The following ANO10 variants were observed in gnomAD, a reference collection of about 807,000 sequenced individuals.
The protein encoded by ANO10 is anoctamin 10, also known as anoctamin-10.
In ANO10, 77 loss-of-function variants were observed where a neutral mutation model predicts 74.7. That is an observed-to-expected ratio of 1.03 (90% confidence interval 0.86 to 1.25). The LOEUF (loss-of-function observed/expected upper bound fraction) is 1.25. Ranked by LOEUF, ANO10 falls within the 50% of genes most tolerant of loss-of-function variation. ANO10 has a pLI of 0.00. For missense variants in ANO10, 721 were observed against 778.1 expected, an observed-to-expected ratio of 0.93 and a Z score of 0.87; for synonymous variants, 279 against 284.9, an observed-to-expected ratio of 0.98 and a Z score of 0.21.
chr3:43,576,861 A>T lies in ANO10; in HGVS notation c.993T>A (p.Tyr331Ter). ...FVCLCLYFSL[Y>*]VMMIYFDMEV... ...CCATGTCGAAGTAAATCATCATGAC[A>T]TACAGTGAGAAATAGAGGCAGAGGC... The change falls in exon 6 of 13, where the codon TAT becomes TAA. Residue 331 changes from tyrosine (Y) to a stop codon, truncating the protein, a stop_gained. Coordinates refer to ENST00000292246, the MANE Select transcript of ANO10 (RefSeq NM_018075.5). LOFTEE classifies it high-confidence loss of function. 1 of 1,614,212 alleles carries T rather than the reference A, an allele frequency of 6.2e-7. No individual in the cohort carries two copies. Among genetic ancestry groups the T allele is most frequent in the Non-Finnish European group, 8.5e-7 (1 of 1,180,026 alleles).
chr3:43,440,031 C>A (rs1212305780), intron 11 of ANO10, among the ~76,000 whole-genome samples: 1 of 151,216 alleles, frequency 6.6e-6, no homozygotes, highest in Non-Finnish European at 1.5e-5. Flanking sequence ...AAAGAAAATA[C>A]CTGTAAAAAA....
chr3:43,593,714 C>A (rs1055571670), intron 4 of ANO10, among the ~76,000 whole-genome samples: 2 of 152,162 alleles, frequency 1.3e-5, no homozygotes, highest in African/African-American at 2.4e-5. Context: ...AACGAGCAAA[C>A]TAACCAGCTA....
chr3:43,526,402 A>G (rs547595292), intron 11 of ANO10, among the ~76,000 whole-genome samples: 1 of 152,328 alleles, frequency 6.6e-6, no homozygotes, highest in Admixed American at 6.5e-5. Flanking sequence ...CCAGCCACGG[A>G]GAAGCGTCAG....
Position 43,600,254 on chromosome 3 carries a change from C to T in ANO10, c.337+130G>A, listed in dbSNP as rs539614541. Reference sequence around the variant, plus strand: ...TTGAGTAATTGCAGCAGAGACCACACGGACTGCAAAACCTAAAATATTTAC... The same window carrying T: ...TTGAGTAATTGCAGCAGAGACCACATGGACTGCAAAACCTAAAATATTTAC... On this transcript the variant is annotated intron_variant, in intron 3 of 12. Coordinates refer to ENST00000292246, the MANE Select transcript of ANO10 (RefSeq NM_018075.5). The T allele has an allele frequency of 1.0e-3, 1,062 of 1,027,290 alleles. 4 individuals are homozygous for T. Among genetic ancestry groups the T allele is most frequent in the Non-Finnish European group, 1.3e-3 (863 of 666,244 alleles). The allele number at this position is 1,027,290 out of a possible 1,614,324, so 63.6% of individuals were successfully genotyped here. A position where few individuals can be genotyped will look rare whatever the true frequency, so the allele number is the denominator to read the frequency against.
intron 4 of ANO10, among the ~76,000 whole-genome samples, chr3:43,580,976 A>C (rs1237957768): frequency 1.3e-5 from 2 of 152,166 alleles, no homozygotes; most frequent in Non-Finnish European, 2.9e-5. Flanking sequence ...GCTGTAATTC[A>C]ACTAATCTTC....
At chr3:43,496,180 G>A (rs2076906950) in intron 11 of ANO10, among the ~76,000 whole-genome samples, 1 of 152,138 alleles carries the variant, frequency 6.6e-6, no homozygotes, top group South Asian at 2.1e-4. Flanking sequence ...AAGGGTATGT[G>A]TATAGAAAAG....
At chr3:43,486,126 T>A (rs1430583769) in intron 11 of ANO10, among the ~76,000 whole-genome samples, 1 of 152,174 alleles carries the variant, frequency 6.6e-6, no homozygotes, top group East Asian at 1.9e-4. Flanking sequence ...CTTTCACAGA[T>A]CTGGGAGAGA....
chr3:43,432,077 T>C (rs1230704900), intron 12 of ANO10, among the ~76,000 whole-genome samples: 1 of 150,924 alleles, frequency 6.6e-6, no homozygotes. Flanking sequence ...CCCACTCTCC[T>C]ACAAGCAGAA....
At chr3:43,660,621 T>C (rs1245978394) in intron 1 of ANO10, among the ~76,000 whole-genome samples, 5 of 152,168 alleles carry the variant, frequency 3.3e-5, no homozygotes, top group East Asian at 3.9e-4. Context: ...CTATGTTTGA[T>C]TGGTGTACCT....
intron 11 of ANO10, among the ~76,000 whole-genome samples, chr3:43,450,967 C>T (rs969252741): frequency 1.3e-5 from 2 of 152,156 alleles, no homozygotes; most frequent in Admixed American, 1.3e-4. Context: ...CTTTATAATA[C>T]AGCACTGATA....
At chr3:43,422,406 C>T (rs926505526) in intron 12 of ANO10, among the ~76,000 whole-genome samples, 6 of 152,182 alleles carry the variant, frequency 3.9e-5, no homozygotes, top group Non-Finnish European at 7.4e-5. Flanking sequence ...TTAGCCACCG[C>T]GCCCACCCTT....
intron 7 of ANO10, among the ~76,000 whole-genome samples, chr3:43,566,678 C>T (rs2080368714): frequency 1.3e-5 from 2 of 152,180 alleles, no homozygotes; most frequent in East Asian, 3.9e-4. Flanking sequence ...CACCAAAAAC[C>T]CATCTGTACA....
chr3:43,469,779 CAT>C (rs1344196539), intron 11 of ANO10, among the ~76,000 whole-genome samples: 11 of 152,184 alleles, frequency 7.2e-5, no homozygotes, highest in African/African-American at 2.2e-4. Context: ...TAGAGGTTCA[CAT>C]ATGTCTGTAT....
At position 43,523,722 on chromosome 3, in the gene ANO10, T is replaced by G. The variant is rs1371060654; in HGVS notation, c.1797+25998A>C. On this transcript the variant is annotated intron_variant, in intron 11 of 12. Coordinates refer to ENST00000292246, the MANE Select transcript of ANO10 (RefSeq NM_018075.5). ...TTGAGATCACTGGGAGACATTCAAG[T>G]GAAAGCAACGAAGGTAAATACATAC... Among the ~76,000 whole-genome samples, 3 of 152,270 alleles carry G rather than the reference T, an allele frequency of 2.0e-5. No homozygotes were observed. In the East Asian group the frequency reaches 5.8e-4, roughly 29 times the overall value.
At chr3:43,491,019 G>A (rs1373909255) in intron 11 of ANO10, among the ~76,000 whole-genome samples, 2 of 152,138 alleles carry the variant, frequency 1.3e-5, no homozygotes, top group Non-Finnish European at 2.9e-5. Flanking sequence ...AGAATGGCAG[G>A]GGGGCGGGGT....
At chr3:43,616,408 T>C (rs1210719737) in intron 1 of ANO10, among the ~76,000 whole-genome samples, 1 of 152,218 alleles carries the variant, frequency 6.6e-6, no homozygotes, top group African/African-American at 2.4e-5. Context: ...AAAGCCCATA[T>C]TATGCCCTCA....
intron 11 of ANO10, among the ~76,000 whole-genome samples, chr3:43,481,908 GTCTTTTT>G (rs1165901629): frequency 6.7e-6 from 1 of 148,180 alleles, no homozygotes; most frequent in East Asian, 2.0e-4. Context: ...ATTGATTGAT[GTCTTTTT>G]TCTTTTTTTT....
chr3:43,585,037 G>T (rs1018607508), intron 4 of ANO10, among the ~76,000 whole-genome samples: 6 of 152,058 alleles, frequency 3.9e-5, no homozygotes, highest in Non-Finnish European at 5.9e-5. Flanking sequence ...TGAAAATCTA[G>T]TATTTAAGTT....
Position 43,574,794 on chromosome 3 carries a change from A to C in ANO10, c.1218+15T>G. The C allele has an allele frequency of 1.2e-6, 2 of 1,607,568 alleles. No homozygotes were observed. Among genetic ancestry groups the C allele is most frequent in the Non-Finnish European group, 1.7e-6 (2 of 1,174,078 alleles). ...AGTTTCATAAAATGGATTTGTACATAAACGCTGTACTTACCACTAAAACTT... is the reference window on the plus strand; with the variant it reads ...AGTTTCATAAAATGGATTTGTACATCAACGCTGTACTTACCACTAAAACTT... On this transcript the variant is annotated intron_variant, in intron 7 of 12. Transcript: ENST00000292246.
Sources: gnomAD v4.1 joint callset for allele counts (sites outside exome capture counted in the v4.1 genomes callset) on GRCh38, gnomAD v4.1.1 for gene constraint, MANE v1.5 for transcripts, NCBI Gene and HGNC (gene_info 2026-07-23, HGNC 2026-07-21) for gene names.